The following EXOC4 variants were observed in gnomAD, a reference collection of about 807,000 sequenced individuals.
The protein encoded by EXOC4 is SEC8-like 1.
A neutral mutation model predicts 107.2 loss-of-function variants in EXOC4; 71 were observed. That is an observed-to-expected ratio of 0.66 (90% CI 0.55 to 0.81). The LOEUF is 0.81. Among genes scored for constraint, EXOC4 ranks in the 30% least tolerant of loss-of-function variants. The pLI is 0.00. For synonymous variants in EXOC4, 456 were observed against 441.2 expected (o/e 1.03, Z -0.42); for missense variants, 1,108 against 1,189.6 (o/e 0.93, Z 1.01).
intron 9 of EXOC4, among the ~76,000 whole-genome samples, chr7:133,486,187 G>A (rs974588269): frequency 6.6e-5 from 10 of 152,072 alleles, no homozygotes; most frequent in Non-Finnish European, 1.5e-4. Context: ...GGCCTAACCT[G>A]AATTTTCTGA....
intron 10 of EXOC4, among the ~76,000 whole-genome samples, chr7:133,757,675 C>G (rs932326449): frequency 6.6e-5 from 10 of 152,174 alleles, no homozygotes; most frequent in African/African-American, 2.4e-4. Context: ...ACAAGGTATT[C>G]GTATATCTGG....
intron 10 of EXOC4, among the ~76,000 whole-genome samples, chr7:133,781,745 A>C (rs752909729): frequency 2.0e-5 from 3 of 152,174 alleles, no homozygotes; most frequent in Non-Finnish European, 4.4e-5. Flanking sequence ...GCAGTGACTC[A>C]TCATGATCAC....
chr7:133,476,134 A>C (rs759754681), intron 8 of EXOC4, among the ~76,000 whole-genome samples: 1 of 152,158 alleles, frequency 6.6e-6, no homozygotes, highest in Non-Finnish European at 1.5e-5. Flanking sequence ...GAGTATACTA[A>C]ATTTTAGCAG....
intron 9 of EXOC4, among the ~76,000 whole-genome samples, chr7:133,487,137 G>T (rs954075488): frequency 3.3e-5 from 5 of 152,128 alleles, no homozygotes; most frequent in African/African-American, 1.2e-4. Context: ...CCATATGGAA[G>T]AGCCTGGAAT....
At chr7:133,362,204 T>G (rs2150668123) in intron 6 of EXOC4, among the ~76,000 whole-genome samples, 1 of 152,352 alleles carries the variant, frequency 6.6e-6, no homozygotes, top group African/African-American at 2.4e-5. Context: ...TAGATTATAA[T>G]AAAATTTTCA....
At chr7:133,387,424 A>T (rs1796753057) in intron 7 of EXOC4, among the ~76,000 whole-genome samples, 2 of 152,204 alleles carry the variant, frequency 1.3e-5, no homozygotes, top group African/African-American at 4.8e-5. Context: ...CCATTTACAG[A>T]TTTTGGTCAG....
At chr7:133,465,295 T>A (rs1290768178) in intron 7 of EXOC4, among the ~76,000 whole-genome samples, 2 of 152,210 alleles carry the variant, frequency 1.3e-5, no homozygotes, top group African/African-American at 4.8e-5. Flanking sequence ...TGAGACCATT[T>A]TTGTGCCATC....
At chr7:133,817,181 TA>T in intron 10 of EXOC4, 143 bp from the exon 11 acceptor site, 1 of 553,202 alleles carries the variant, frequency 1.8e-6, no homozygotes, top group Non-Finnish European at 3.2e-6. Flanking sequence ...TTTACAAGAT[TA>T]AAAATTATAT....
rs139203476 is a variant in EXOC4, at chr7:133,527,420, A to G, written c.1417+47282A>G. Among the ~76,000 whole-genome samples the G allele has an allele frequency of 9.2e-5, 14 of 152,244 alleles. No homozygotes were observed. In the East Asian group the frequency reaches 1.7e-3, roughly 19 times the overall value. On this transcript the variant is annotated intron_variant, in intron 9 of 17. Coordinates refer to ENST00000253861, the MANE Select transcript of EXOC4 (RefSeq NM_021807.4). Reference sequence around the variant, plus strand: ...ATTCCATCTCCAAAAAAAATAAAATAAAATAAATAAAAATATGTATTTCAG... The same window carrying G: ...ATTCCATCTCCAAAAAAAATAAAATGAAATAAATAAAAATATGTATTTCAG...
chr7:133,923,530 A>G (rs1381681725), intron 13 of EXOC4, among the ~76,000 whole-genome samples: 1 of 152,104 alleles, frequency 6.6e-6, no homozygotes, highest in Non-Finnish European at 1.5e-5. Flanking sequence ...TTTTTTATGC[A>G]CACGTATTTA....
intron 7 of EXOC4, among the ~76,000 whole-genome samples, chr7:133,472,564 AATAT>A: frequency 6.6e-6 from 1 of 152,294 alleles, no homozygotes; most frequent in Admixed American, 6.5e-5. Context: ...GAAATATGTG[AATAT>A]ATATCAAGCA....
At chr7:134,092,415 T>G in the EXOC4 span, among the ~76,000 whole-genome samples, 1 of 152,258 alleles carries the variant, frequency 6.6e-6, no homozygotes, top group Admixed American at 6.5e-5. Context: ...GATACTGGAC[T>G]TATTATACAG....
the EXOC4 span, among the ~76,000 whole-genome samples, chr7:134,074,006 A>G: frequency 7.1e-3 from 1,081 of 152,292 alleles, 12 homozygotes; most frequent in African/African-American, 0.024. Flanking sequence ...GGGGACCTCC[A>G]GGCCTCAGTG....
chr7:133,400,271 T>G (rs540614432), intron 7 of EXOC4, among the ~76,000 whole-genome samples: 1 of 152,342 alleles, frequency 6.6e-6, no homozygotes, highest in South Asian at 2.1e-4. Flanking sequence ...TTCTTGGTTA[T>G]TCTACATATA....
intron 10 of EXOC4, among the ~76,000 whole-genome samples, chr7:133,737,995 T>C (rs1302495219): frequency 7.4e-6 from 1 of 134,442 alleles, no homozygotes; most frequent in Admixed American, 8.9e-5. Flanking sequence ...CACTGCAGCC[T>C]CTGCCTCCTG....
At chr7:133,456,223 C>T (rs1798460227) in intron 7 of EXOC4, among the ~76,000 whole-genome samples, 1 of 152,274 alleles carries the variant, frequency 6.6e-6, no homozygotes. Flanking sequence ...GTGACTGAAT[C>T]CTAGAATCAC....
At chr7:133,329,023 G>T (rs1795316465) in intron 5 of EXOC4, among the ~76,000 whole-genome samples, 1 of 152,100 alleles carries the variant, frequency 6.6e-6, no homozygotes, top group African/African-American at 2.4e-5. Flanking sequence ...TTTCTAACTT[G>T]GTTCCATTCT....
At chr7:133,574,756 A>G (rs1047282734) in intron 9 of EXOC4, among the ~76,000 whole-genome samples, 5 of 152,174 alleles carry the variant, frequency 3.3e-5, no homozygotes, top group Admixed American at 6.5e-5. Context: ...TCTTCTCTTC[A>G]TGATCTTTCT....
chr7:133,991,084 ATT>A (rs1563083192), intron 14 of EXOC4, among the ~76,000 whole-genome samples: 1 of 152,058 alleles, frequency 6.6e-6, no homozygotes, highest in Non-Finnish European at 1.5e-5. Context: ...CCTCACCAGC[ATT>A]TGTCTTTTTT....
Sources: allele counts gnomAD v4.1 joint callset (sites outside exome capture counted in the v4.1 genomes callset), GRCh38; gene constraint gnomAD v4.1.1; transcripts MANE v1.5; gene names NCBI Gene and HGNC (gene_info 2026-07-23, HGNC 2026-07-21).